Variants in MAST4 observed in about 807,000 individuals in gnomAD.
The protein encoded by MAST4 is microtubule-associated serine/threonine-protein kinase 4.
Under a neutral mutation model 162.7 loss-of-function variants are expected in MAST4, and 89 were observed. That is an observed-to-expected ratio of 0.55 (90% CI 0.46 to 0.65). MAST4 has a LOEUF of 0.65. Ranked by LOEUF, MAST4 falls within the 30% of genes least tolerant of loss-of-function variation. MAST4 has a pLI of 0.00. For synonymous variants in MAST4, 1,479 were observed against 1,361.1 expected, an observed-to-expected ratio of 1.09 and a Z score of -1.91; for missense variants, 3,153 against 3,374.0, an observed-to-expected ratio of 0.93 and a Z score of 1.62.
intron 1 of MAST4, among the ~76,000 whole-genome samples, chr5:66,641,572 T>A (rs1334976018): frequency 6.6e-6 from 1 of 152,226 alleles, no homozygotes; most frequent in East Asian, 1.9e-4. Flanking sequence ...CTCTAAATAT[T>A]ACTTCCCAGC....
intron 12 of MAST4, chr5:67,114,421 C>A: frequency 1.8e-6 from 1 of 550,054 alleles, no homozygotes; most frequent in Non-Finnish European, 3.1e-6. Flanking sequence ...CATTTTGTGT[C>A]TACCTAGAGC....
rs148400864 is a variant in MAST4, at chr5:67,047,773, C to G, written c.675-6631C>G. ...TGGGCCATAGGGAAGAGGATCCCAG[C>G]GAGTTTCTTAACTTCACATTAGTAG... On this transcript the variant is annotated intron_variant, in intron 4 of 28. Transcript: ENST00000403625. Among the ~76,000 whole-genome samples, 23 of 152,260 alleles carry G rather than the reference C, an allele frequency of 1.5e-4. 1 individual carries two copies. The East Asian group carries it at 4.1e-3, about 27-fold the overall frequency.
chr5:66,867,062 A>G (rs1760581904), intron 3 of MAST4, among the ~76,000 whole-genome samples: 1 of 152,224 alleles, frequency 6.6e-6, no homozygotes, highest in Admixed American at 6.5e-5. Context: ...TGCCCAGCTA[A>G]TTAAAACTCT....
At chr5:67,107,015 A>G (rs956432463) in intron 10 of MAST4, among the ~76,000 whole-genome samples, 1 of 152,206 alleles carries the variant, frequency 6.6e-6, no homozygotes, top group Non-Finnish European at 1.5e-5. Flanking sequence ...CACTATGCAT[A>G]TTACTATTTA....
At chr5:67,019,194 T>C (rs1285132306) in intron 4 of MAST4, among the ~76,000 whole-genome samples, 1 of 152,218 alleles carries the variant, frequency 6.6e-6, no homozygotes, top group Non-Finnish European at 1.5e-5. Context: ...TGGTAAATCC[T>C]GGGGCACATT....
chr5:67,106,484 G>A (rs1044530341), intron 10 of MAST4, among the ~76,000 whole-genome samples: 12 of 152,216 alleles, frequency 7.9e-5, no homozygotes, highest in African/African-American at 2.9e-4. Flanking sequence ...CCTTCATCAA[G>A]CAACCCATTA....
chr5:66,854,214 A>G (rs1306217713), intron 3 of MAST4, among the ~76,000 whole-genome samples: 2 of 152,182 alleles, frequency 1.3e-5, no homozygotes, highest in Non-Finnish European at 2.9e-5. Flanking sequence ...GTAGATGCTT[A>G]TTGAATGAGT....
chr5:67,144,926 C>T, intron 22 of MAST4, 130 bp downstream of exon 22: 1 of 1,189,134 alleles, frequency 8.4e-7, no homozygotes. Flanking sequence ...GTTTCTCATC[C>T]AGTAGATCTA....
chr5:66,982,855 A>G (rs1198805104), intron 4 of MAST4, among the ~76,000 whole-genome samples: 1 of 152,208 alleles, frequency 6.6e-6, no homozygotes, highest in Non-Finnish European at 1.5e-5. Flanking sequence ...CCACTGTTGG[A>G]GCGTGGTGCC....
rs373517751 is a variant in MAST4 at position 67,165,409 on chromosome 5, G to T, written c.6230G>T (p.Arg2077Leu). The T allele has an allele frequency of 1.2e-6, 2 of 1,613,856 alleles. No individual in the cohort carries two copies. Among genetic ancestry groups the T allele is most frequent in the Non-Finnish European group, 1.7e-6 (2 of 1,179,882 alleles). ...PCEKELGKVR[R>L]GVEPKPEALL... ...GAGAAGGAGCTGGGCAAGGTGAGGC[G>T]TGGCGTGGAACCCAAGCCCGAAGCG... The change falls in exon 29 of 29, where the codon CGT becomes CTT. Residue 2077 changes from arginine to leucine, a missense_variant. By Grantham distance (102) the Arg-to-Leu change is moderately radical. Around this residue, in one of 7 missense-constraint regions of MAST4, gnomAD observed 1,644 missense variants for 1,495.0 expected, o/e 1.10. Coordinates refer to ENST00000403625, the MANE Select transcript of MAST4 (RefSeq NM_001164664.2).
At chr5:66,777,716 CTT>C (rs1561323913) in intron 2 of MAST4, among the ~76,000 whole-genome samples, 1 of 152,054 alleles carries the variant, frequency 6.6e-6, no homozygotes, top group African/African-American at 2.4e-5. Context: ...AGAGATGACT[CTT>C]AATCATTTGA....
intron 1 of MAST4, among the ~76,000 whole-genome samples, chr5:66,725,130 A>G (rs1042146895): frequency 2.6e-5 from 4 of 151,826 alleles, no homozygotes; most frequent in African/African-American, 7.3e-5. Context: ...ATTTTGTTCA[A>G]TTGATATCTT....
intron 1 of MAST4, among the ~76,000 whole-genome samples, chr5:66,693,850 G>A (rs1054575982): frequency 3.9e-5 from 6 of 152,094 alleles, no homozygotes; most frequent in Non-Finnish European, 7.4e-5. Context: ...TACTTTGGGA[G>A]GAGTAGGAAG....
At chr5:66,802,450 C>T (rs959566574) in intron 3 of MAST4, among the ~76,000 whole-genome samples, 2 of 152,008 alleles carry the variant, frequency 1.3e-5, no homozygotes, top group African/African-American at 2.4e-5. Flanking sequence ...CTTAGTCTAC[C>T]CTCTATTACA....
chr5:67,142,056 CT>C, intron 19 of MAST4, 58 bp from the exon 20 acceptor site: 1 of 1,538,654 alleles, frequency 6.5e-7, no homozygotes, highest in Non-Finnish European at 8.8e-7. Context: ...TGATGTTTGC[CT>C]TTGCTTAGTG....
chr5:67,073,804 C>T (rs1761258820), intron 5 of MAST4, among the ~76,000 whole-genome samples: 1 of 152,140 alleles, frequency 6.6e-6, no homozygotes, highest in Non-Finnish European at 1.5e-5. Flanking sequence ...GAGCTTCTTT[C>T]ATACTATATA....
intron 12 of MAST4, among the ~76,000 whole-genome samples, chr5:67,117,678 C>T (rs1488927783): frequency 1.3e-5 from 2 of 151,880 alleles, no homozygotes; most frequent in African/African-American, 2.4e-5. Context: ...TATTAATTAT[C>T]TGTGATCCTA....
chr5:66,962,595 C>A (rs1333369825), intron 4 of MAST4, among the ~76,000 whole-genome samples: 2 of 152,126 alleles, frequency 1.3e-5, no homozygotes. Context: ...ATAGTCCTGG[C>A]TACTTGGGAG....
chr5:66,928,870 G>A (rs1765095681), intron 4 of MAST4, among the ~76,000 whole-genome samples: 1 of 152,186 alleles, frequency 6.6e-6, no homozygotes, highest in South Asian at 2.1e-4. Context: ...TGTCTCCTTG[G>A]TGAATGATGA....
Sources: allele counts gnomAD v4.1 joint callset (sites outside exome capture counted in the v4.1 genomes callset), GRCh38; gene constraint gnomAD v4.1.1; regional missense constraint gnomAD v4.1.1; transcripts MANE v1.5; gene names NCBI Gene and HGNC (gene_info 2026-07-23, HGNC 2026-07-21).